Variants in SGCD observed in about 807,000 individuals in gnomAD.
SGCD encodes the protein sarcoglycan delta.
In SGCD, 18 loss-of-function variants were observed where a neutral mutation model predicts 36.6. The observed-to-expected ratio is 0.49, with a 90% CI of 0.34 to 0.73. The LOEUF is 0.73. SGCD is among the 30% of genes least tolerant of loss of function. SGCD has a pLI of 0.01. For missense variants in SGCD, 387 were observed against 346.7 expected (o/e 1.12, Z -0.92); for synonymous variants, 133 against 130.6 (o/e 1.02, Z -0.12).
chr5:155,976,004 T>G (rs997535037), intron 1 of SGCD, among the ~76,000 whole-genome samples: 1 of 152,180 alleles, frequency 6.6e-6, no homozygotes, highest in Non-Finnish European at 1.5e-5. Flanking sequence ...CATTCTTTCA[T>G]TCCTGAGTTG....
chr5:156,448,740 T>C (rs1030396114), intron 3 of SGCD, among the ~76,000 whole-genome samples: 1,847 of 121,302 alleles, frequency 0.015, 10 homozygotes, highest in Non-Finnish European at 0.018. Context: ...TCTTTTTTTT[T>C]TTTTTTTTTT....
chr5:156,075,071 C>G (rs550778486), intron 1 of SGCD, among the ~76,000 whole-genome samples: 5 of 152,118 alleles, frequency 3.3e-5, no homozygotes, highest in Non-Finnish European at 4.4e-5. Context: ...TTCACAAATA[C>G]AAATGTACGA....
chr5:155,825,528 C>T, the SGCD span, among the ~76,000 whole-genome samples: 1 of 152,028 alleles, frequency 6.6e-6, no homozygotes, highest in African/African-American at 2.4e-5. Flanking sequence ...ACTTCGTCTC[C>T]ATATGGTTCA....
At chr5:155,857,274 C>T in the SGCD span, among the ~76,000 whole-genome samples, 1 of 152,080 alleles carries the variant, frequency 6.6e-6, no homozygotes, top group Non-Finnish European at 1.5e-5. Context: ...CATATATCTG[C>T]CATGTAACTC....
intron 2 of SGCD, among the ~76,000 whole-genome samples, chr5:156,343,631 T>C (rs1286696033): frequency 1.3e-5 from 2 of 152,236 alleles, no homozygotes; most frequent in East Asian, 3.8e-4. Flanking sequence ...ATAATTTGTG[T>C]CAACAGCAGG....
chr5:156,631,280 C>A (rs113336086), intron 6 of SGCD, among the ~76,000 whole-genome samples: 1 of 151,958 alleles, frequency 6.6e-6, no homozygotes, highest in Non-Finnish European at 1.5e-5. Flanking sequence ...GATTTACAGC[C>A]TGGGATGAAA....
intron 1 of SGCD, among the ~76,000 whole-genome samples, chr5:155,892,115 T>C (rs1480823063): frequency 6.6e-6 from 1 of 152,080 alleles, no homozygotes; most frequent in Non-Finnish European, 1.5e-5. Flanking sequence ...TTCTTTGTCT[T>C]GGGGAGGTAT....
intron 3 of SGCD, among the ~76,000 whole-genome samples, chr5:156,126,851 C>T (rs1362724166): frequency 6.6e-6 from 1 of 152,218 alleles, no homozygotes; most frequent in Non-Finnish European, 1.5e-5. Context: ...GCAGCATCAG[C>T]ATCATCTGAG....
At chr5:156,083,072 T>C (rs1341827599) in intron 1 of SGCD, among the ~76,000 whole-genome samples, 1 of 152,198 alleles carries the variant, frequency 6.6e-6, no homozygotes, top group Non-Finnish European at 1.5e-5. Context: ...TCTTCTCTGG[T>C]GAAATGTCTG....
At chr5:156,438,718 G>A (rs185607771) in intron 3 of SGCD, among the ~76,000 whole-genome samples, 118 of 152,230 alleles carry the variant, frequency 7.8e-4, no homozygotes, top group Non-Finnish European at 1.3e-3. Flanking sequence ...ACCAAATGGT[G>A]TCCCATTTTC....
At chr5:155,900,440 ATACTT>A (rs1189933077) in intron 1 of SGCD, among the ~76,000 whole-genome samples, 1 of 151,936 alleles carries the variant, frequency 6.6e-6, no homozygotes, top group Non-Finnish European at 1.5e-5. Context: ...TATTATTATT[ATACTT>A]TAAGTCTTAG....
intron 7 of SGCD, among the ~76,000 whole-genome samples, chr5:156,650,701 T>C (rs571305313): frequency 2.7e-4 from 41 of 152,296 alleles, no homozygotes; most frequent in African/African-American, 8.7e-4. Flanking sequence ...TGTTCTATGG[T>C]ATATATGTAC....
At chr5:155,974,022 AG>A (rs1758059388) in intron 1 of SGCD, among the ~76,000 whole-genome samples, 1 of 152,196 alleles carries the variant, frequency 6.6e-6, no homozygotes, top group South Asian at 2.1e-4. Context: ...TTTATAAGCA[AG>A]TTCTCTCTGG....
Position 155,930,775 on chromosome 5 carries a change from A to G in SGCD, c.-282+60351A>G, listed in dbSNP as rs73810352. Among the ~76,000 whole-genome samples, 1,384 of 152,304 alleles carry G rather than the reference A, an allele frequency of 9.1e-3. 27 individuals are homozygous for G. Among genetic ancestry groups the G allele is most frequent in the African/African-American group, 0.031 (1,276 of 41,568 alleles). On this transcript the variant is annotated intron_variant, in intron 1 of 9. Transcript: ENST00000517913. ...TTCTTTCCAATTAAAATATTTTGCA[A>G]TTATCAAACATTGTTCATACTTGTA...
intron 3 of SGCD, among the ~76,000 whole-genome samples, chr5:156,303,754 A>G (rs1287441225): frequency 6.6e-6 from 1 of 151,730 alleles, no homozygotes; most frequent in African/African-American, 2.4e-5. Context: ...TATGTCATTC[A>G]GGAGCTAGGG....
intron 2 of SGCD, among the ~76,000 whole-genome samples, chr5:156,120,544 G>A (rs1172659633): frequency 1.3e-5 from 2 of 152,140 alleles, no homozygotes; most frequent in Non-Finnish European, 2.9e-5. Flanking sequence ...TTAACAAAGT[G>A]CATGGCAAAG....
chr5:156,552,606 G>C (rs78219657), intron 4 of SGCD, among the ~76,000 whole-genome samples: 1 of 152,112 alleles, frequency 6.6e-6, no homozygotes, highest in South Asian at 2.1e-4. Flanking sequence ...CCTGTGAATG[G>C]AGGAACATCC....
rs551148601 is a variant in SGCD, at chr5:156,581,205, G to C, written c.295-8026G>C. Among the ~76,000 whole-genome samples the C allele has an allele frequency of 2.6e-5, 4 of 152,342 alleles. No individual in the cohort carries two copies. In the East Asian group the frequency reaches 5.8e-4, roughly 22 times the overall value. On this transcript the variant is annotated intron_variant, in intron 4 of 8. Coordinates refer to ENST00000337851, the MANE Select transcript of SGCD (RefSeq NM_000337.6). ...TTGCTGGAGGTCCACTCCAGACCCT[G>C]TTTGCCTGAGTATCGCCAGCGGAGG...
At chr5:156,349,490 A>G (rs1343047486) in intron 3 of SGCD, among the ~76,000 whole-genome samples, 1 of 152,124 alleles carries the variant, frequency 6.6e-6, no homozygotes, top group Admixed American at 6.6e-5. Context: ...AGAAACATAA[A>G]AAAAGTACAA....
Sources: gnomAD v4.1 joint callset for allele counts (sites outside exome capture counted in the v4.1 genomes callset) on GRCh38, gnomAD v4.1.1 for gene constraint, MANE v1.5 for transcripts, NCBI Gene and HGNC (gene_info 2026-07-23, HGNC 2026-07-21) for gene names.